ATRX: variants seen among roughly 807,000 people sequenced by gnomAD.
ATRX encodes ATRX chromatin remodeler.
In ATRX, 12 loss-of-function variants were observed where a neutral mutation model predicts 172.6. That is an observed-to-expected ratio of 0.07 (90% confidence interval 0.04 to 0.11). The LOEUF (loss-of-function observed/expected upper bound fraction) is 0.11, where lower values mean the gene tolerates loss of function less well. Among genes scored for constraint, ATRX ranks in the 10% least tolerant of loss-of-function variants. The pLI is 1.00. For synonymous variants in ATRX, 674 were observed against 594.7 expected (o/e 1.13, Z -1.94); for missense variants, 1,368 against 1,767.4 (o/e 0.77, Z 4.05).
At chrX:77,565,224 A>C (rs782806640) in intron 28 of ATRX, among the ~76,000 whole-genome samples, 16 of 111,997 alleles carry the variant, frequency 1.4e-4, no homozygotes, top group Admixed American at 3.8e-4. Flanking sequence ...AACTGGCAAC[A>C]ATGTGGTAGG....
intron 22 of ATRX, among the ~76,000 whole-genome samples, chrX:77,610,493 A>G (rs1273666871): frequency 8.9e-6 from 1 of 111,847 alleles, no homozygotes. Flanking sequence ...GAGTCAGAAG[A>G]GCTGATAAAT....
At chrX:77,538,895 A>ATT (rs567391617) in intron 30 of ATRX, among the ~76,000 whole-genome samples, 1 of 89,381 alleles carries the variant, frequency 1.1e-5, no homozygotes, top group Non-Finnish European at 2.3e-5. Flanking sequence ...ACTTTGCTCC[A>ATT]TTTTTTTTTT....
At chrX:77,589,718 T>G in intron 27 of ATRX, 116 bp downstream of exon 27, 1 of 596,958 alleles carries the variant, frequency 1.7e-6, no homozygotes, top group Non-Finnish European at 2.6e-6. Flanking sequence ...AAAAAAATTT[T>G]GATATGATAG....
intron 30 of ATRX, among the ~76,000 whole-genome samples, chrX:77,545,514 G>GA (rs1337966229): frequency 3.7e-5 from 4 of 109,103 alleles, no homozygotes; most frequent in Admixed American, 9.8e-5. Flanking sequence ...GAAATATTAG[G>GA]AAAAAAAAAT....
chrX:77,770,812 G>T (rs913491615), intron 1 of ATRX, among the ~76,000 whole-genome samples: 7 of 112,056 alleles, frequency 6.2e-5, no homozygotes, highest in Admixed American at 2.8e-4. Context: ...TGACAAATGA[G>T]GATGAAGAAG....
At position 77,676,386 on chromosome X, in the gene ATRX, T is replaced by C. The variant is rs372930390; in HGVS notation, c.3737-88A>G. On this transcript the variant is annotated intron_variant, in intron 9 of 34. Coordinates refer to ENST00000373344, the MANE Select transcript of ATRX (RefSeq NM_000489.6). ...AAATAAAACTGAAAGCCAAAAACTT[T>C]AAAGCAAACTAAGTGGGGTCTAAAC... 4.3e-5 allele frequency: 36 copies of C among 829,561 alleles called. No individual in the cohort carries two copies. In the African/African-American group the frequency reaches 6.7e-4, roughly 16 times the overall value. The allele number at this position is 829,561 out of a possible 1,213,427, so 68.4% of individuals were successfully genotyped here.
At chrX:77,673,566 AAATT>A (rs2070730014) in intron 10 of ATRX, among the ~76,000 whole-genome samples, 1 of 111,336 alleles carries the variant, frequency 9.0e-6, no homozygotes, top group Non-Finnish European at 1.9e-5. Context: ...AATTAAATAG[AAATT>A]AATTTATAGG....
intron 26 of ATRX, among the ~76,000 whole-genome samples, chrX:77,590,782 T>G (rs1459590912): frequency 2.7e-5 from 3 of 111,501 alleles, no homozygotes; most frequent in African/African-American, 9.8e-5. Context: ...AATCTAACTG[T>G]AAAAACTGTA....
intron 1 of ATRX, among the ~76,000 whole-genome samples, chrX:77,749,092 C>T (rs2075205846): frequency 9.0e-6 from 1 of 110,609 alleles, no homozygotes; most frequent in African/African-American, 3.3e-5. Flanking sequence ...GGTAATTTTT[C>T]AACCCTCACC....
At chrX:77,756,560 T>C (rs1318937224) in intron 1 of ATRX, among the ~76,000 whole-genome samples, 1 of 110,483 alleles carries the variant, frequency 9.1e-6, no homozygotes, top group Non-Finnish European at 1.9e-5. Context: ...CCGGATAGCA[T>C]AGACTCACGG....
intron 9 of ATRX, among the ~76,000 whole-genome samples, chrX:77,677,221 T>C (rs886398648): frequency 7.2e-5 from 8 of 111,738 alleles, no homozygotes; most frequent in Admixed American, 4.8e-4. Flanking sequence ...ATACTATGCA[T>C]GCTTAAGTGT....
At chrX:77,547,527 C>T (rs1430217051) in intron 30 of ATRX, among the ~76,000 whole-genome samples, 2 of 111,752 alleles carry the variant, frequency 1.8e-5, no homozygotes, top group African/African-American at 6.5e-5. Context: ...TATGGTCAGT[C>T]TGTTAACAAG....
Position 77,505,025 on chromosome X carries a change from TTCTC to T in ATRX, c.*3322_*3325del. The T allele has an allele frequency of 5.9e-6, 1 of 169,500 alleles. No homozygotes were observed. Among genetic ancestry groups the T allele is most frequent in the East Asian group, 8.6e-5 (1 of 11,634 alleles). The allele number at this position is 169,500 out of a possible 1,213,427, so 14.0% of individuals were successfully genotyped here. A position where few individuals can be genotyped will look rare whatever the true frequency, so the allele number is the denominator to read the frequency against. ...AAAAATAACGGTAGAAAAATGTTTA[TTCTC>T]TAAGGGTAGATCTGATTTGGAGATA... On this transcript the variant is annotated 3_prime_UTR_variant, in exon 35 of 35. Transcript: ENST00000373344.
intron 30 of ATRX, among the ~76,000 whole-genome samples, chrX:77,547,500 C>T (rs1399205465): frequency 9.0e-6 from 1 of 111,709 alleles, no homozygotes; most frequent in African/African-American, 3.3e-5. Context: ...TAAGACAAAA[C>T]AGCACTATAA....
chrX:77,624,000 G>A (rs1338367728), intron 19 of ATRX, among the ~76,000 whole-genome samples: 1 of 111,635 alleles, frequency 9.0e-6, no homozygotes, highest in Admixed American at 9.5e-5. Flanking sequence ...AAGAAGACAA[G>A]GATGCCCACC....
At chrX:77,567,293 TA>T (rs2065234280) in intron 28 of ATRX, among the ~76,000 whole-genome samples, 1 of 111,677 alleles carries the variant, frequency 9.0e-6, no homozygotes, top group South Asian at 3.7e-4. Flanking sequence ...ATACACCATT[TA>T]AAAGAAAAAT....
chrX:77,630,602 A>G (rs1219373105), intron 19 of ATRX, among the ~76,000 whole-genome samples: 1 of 112,235 alleles, frequency 8.9e-6, no homozygotes, highest in Non-Finnish European at 1.9e-5. Context: ...TGGTCAATTG[A>G]TTTTCAACAA....
intron 22 of ATRX, among the ~76,000 whole-genome samples, chrX:77,606,185 G>C: frequency 9.1e-6 from 1 of 109,504 alleles, no homozygotes; most frequent in Non-Finnish European, 1.9e-5. Flanking sequence ...GTACATGTAT[G>C]GGTAAATTTA....
At chrX:77,550,684 T>C (rs1438318670) in intron 30 of ATRX, among the ~76,000 whole-genome samples, 2 of 111,642 alleles carry the variant, frequency 1.8e-5, no homozygotes, top group Admixed American at 1.9e-4. Context: ...TTGTCCCTGT[T>C]TGCAGATGAC....
Sources: gnomAD v4.1 joint callset for allele counts (sites outside exome capture counted in the v4.1 genomes callset) on GRCh38, gnomAD v4.1.1 for gene constraint, MANE v1.5 for transcripts, NCBI Gene and HGNC (gene_info 2026-07-23, HGNC 2026-07-21) for gene names.